Variants in NRG1 observed in about 807,000 individuals in gnomAD.
NRG1 encodes pro-neuregulin-1, membrane-bound isoform.
In NRG1, 18 loss-of-function variants were observed where a neutral mutation model predicts 63.8. That is an observed-to-expected ratio of 0.28 (90% confidence interval 0.19 to 0.42). The LOEUF is 0.42. Among genes scored for constraint, NRG1 ranks in the 10% least tolerant of loss-of-function variants. The probability of loss-of-function intolerance (pLI) is 1.00; values close to 1 mark genes in which losing one functional copy is unlikely to be tolerated. For missense variants in NRG1, 762 were observed against 814.7 expected (o/e 0.94, Z 0.79); for synonymous variants, 302 against 301.3 (o/e 1.00, Z -0.02).
intron 1 of NRG1, among the ~76,000 whole-genome samples, chr8:31,736,733 A>C (rs1814708726): frequency 6.6e-6 from 1 of 152,170 alleles, no homozygotes; most frequent in Admixed American, 6.6e-5. Flanking sequence ...CTTTACACGA[A>C]GTAAACACAA....
intron 11 of NRG1, chr8:32,763,459 G>C: frequency 7.7e-7 from 1 of 1,298,842 alleles, no homozygotes; most frequent in Non-Finnish European, 1.1e-6. Context: ...TCTTGTCTTG[G>C]CTCATATGCC....
intron 1 of NRG1, among the ~76,000 whole-genome samples, chr8:31,756,256 C>G (rs1165129015): frequency 6.6e-6 from 1 of 152,148 alleles, no homozygotes; most frequent in Non-Finnish European, 1.5e-5. Flanking sequence ...AAAATTATCT[C>G]TGATAACACA....
chr8:31,901,685 C>T (rs1416563142), intron 1 of NRG1, among the ~76,000 whole-genome samples: 1 of 152,146 alleles, frequency 6.6e-6, no homozygotes, highest in Non-Finnish European at 1.5e-5. Context: ...CTGGTGAAGC[C>T]TGTCTGGTAA....
chr8:32,402,364 C>T (rs1375230261), intron 1 of NRG1, among the ~76,000 whole-genome samples: 1 of 151,998 alleles, frequency 6.6e-6, no homozygotes, highest in Non-Finnish European at 1.5e-5. Context: ...CCCTCTGATT[C>T]GTGGCTTTGA....
intron 1 of NRG1, among the ~76,000 whole-genome samples, chr8:31,751,032 G>A (rs1226338306): frequency 6.6e-6 from 1 of 151,964 alleles, no homozygotes; most frequent in Non-Finnish European, 1.5e-5. Flanking sequence ...TATAGAGGTG[G>A]AAAGAAAGGG....
chr8:32,689,215 G>A (rs73675415), intron 5 of NRG1, among the ~76,000 whole-genome samples: 2,916 of 151,626 alleles, frequency 0.019, 105 homozygotes, highest in African/African-American at 0.068. Context: ...ACAGATTCTC[G>A]TAATATCTGC....
chr8:32,243,211 G>C lies in NRG1; in HGVS notation c.38-352617G>C, dbSNP rs139298378. 9.2e-3 allele frequency among the ~76,000 whole-genome samples: 1,404 copies of C among 152,156 alleles called. 33 individuals are homozygous for C. Among genetic ancestry groups the C allele is most frequent in the African/African-American group, 0.032 (1,309 of 41,514 alleles). ...GGCTGAGAGAGGCAGATCACTTGAG[G>C]CCAGGAGTTCGAGACGAGCCTGGCC... On this transcript the variant is annotated intron_variant, in intron 1 of 10. Coordinates refer to the NRG1 transcript ENST00000519301.
At chr8:31,917,486 T>TC (rs1046026837) in intron 1 of NRG1, among the ~76,000 whole-genome samples, 3 of 150,968 alleles carry the variant, frequency 2.0e-5, no homozygotes, top group Admixed American at 6.6e-5. Flanking sequence ...TGCTTGTTTT[T>TC]CTCAGGTTTG....
At chr8:32,670,428 A>C (rs1337718964) in intron 5 of NRG1, among the ~76,000 whole-genome samples, 1 of 152,064 alleles carries the variant, frequency 6.6e-6, no homozygotes, top group Admixed American at 6.6e-5. Flanking sequence ...TTCCTTCTGC[A>C]CAGGCTCCAA....
At chr8:31,739,465 T>G (rs750892849) in intron 1 of NRG1, among the ~76,000 whole-genome samples, 1 of 152,118 alleles carries the variant, frequency 6.6e-6, no homozygotes, top group Non-Finnish European at 1.5e-5. Context: ...CGAGCTAATT[T>G]TATTACTTTT....
chr8:32,431,814 C>T (rs17642104), intron 1 of NRG1, among the ~76,000 whole-genome samples: 18,605 of 151,914 alleles, frequency 0.12, 1,246 homozygotes, highest in South Asian at 0.16. Context: ...CAACTTGAGT[C>T]GGTGACTTCT....
intron 1 of NRG1, among the ~76,000 whole-genome samples, chr8:32,065,134 G>GAA (rs760234792): frequency 6.9e-6 from 1 of 145,400 alleles, no homozygotes; most frequent in African/African-American, 2.5e-5. Flanking sequence ...GATTCCTACA[G>GAA]AAAAAAAAAA....
At chr8:32,514,873 T>C (rs1829635952) in intron 1 of NRG1, among the ~76,000 whole-genome samples, 1 of 129,476 alleles carries the variant, frequency 7.7e-6, no homozygotes, top group Non-Finnish European at 1.6e-5. Flanking sequence ...TGTGTAGGTT[T>C]GTTACACAAA....
intron 1 of NRG1, among the ~76,000 whole-genome samples, chr8:32,316,199 C>T (rs567010748): frequency 2.3e-4 from 35 of 152,250 alleles, no homozygotes; most frequent in African/African-American, 8.2e-4. Context: ...CCTAAGGGAC[C>T]GGGCGCGGTG....
At chr8:31,949,427 GCCATCAAAATGAAAA>G (rs1351282254) in intron 1 of NRG1, among the ~76,000 whole-genome samples, 2 of 152,090 alleles carry the variant, frequency 1.3e-5, no homozygotes, top group African/African-American at 4.8e-5. Context: ...TTCTGCCACT[GCCATCAAAATGAAAA>G]TTAAACAGGG....
chr8:32,757,370 G>T (rs1829871033), intron 9 of NRG1, among the ~76,000 whole-genome samples: 1 of 151,922 alleles, frequency 6.6e-6, no homozygotes, highest in South Asian at 2.1e-4. Flanking sequence ...CTGATGTATG[G>T]TTTTTTTAAT....
chr8:31,870,815 C>T (rs908189256), intron 1 of NRG1, among the ~76,000 whole-genome samples: 3 of 151,954 alleles, frequency 2.0e-5, no homozygotes, highest in Non-Finnish European at 2.9e-5. Flanking sequence ...CTAAGAATTT[C>T]GAATGCACCT....
intron 1 of NRG1, among the ~76,000 whole-genome samples, chr8:32,591,130 G>A (rs1483502717): frequency 6.6e-6 from 1 of 152,104 alleles, no homozygotes; most frequent in Admixed American, 6.6e-5. Flanking sequence ...CTTACGCTAT[G>A]GAGGATTTTG....
intron 1 of NRG1, among the ~76,000 whole-genome samples, chr8:32,017,765 G>A (rs1396765810): frequency 6.6e-6 from 1 of 152,202 alleles, no homozygotes; most frequent in Non-Finnish European, 1.5e-5. Flanking sequence ...CTTCCCTCCT[G>A]GGCACACCAC....
Sources: gnomAD v4.1 joint callset for allele counts (sites outside exome capture counted in the v4.1 genomes callset) on GRCh38, gnomAD v4.1.1 for gene constraint, MANE v1.5 for transcripts, NCBI Gene and HGNC (gene_info 2026-07-23, HGNC 2026-07-21) for gene names.